Variants in RASA2 observed in about 807,000 individuals in gnomAD.
RASA2 encodes ras GTPase-activating protein 2.
A neutral mutation model predicts 118.2 loss-of-function variants in RASA2; 155 were observed. The observed-to-expected ratio is 1.31, with a 90% CI of 1.15 to 1.50. RASA2 has a LOEUF of 1.50. Ranked by LOEUF, RASA2 falls within the 40% of genes most tolerant of loss-of-function variation. The probability of loss-of-function intolerance (pLI) is 0.00; values close to 1 mark genes in which losing one functional copy is unlikely to be tolerated. For missense variants in RASA2, 1,016 were observed against 1,009.6 expected (o/e 1.01, Z -0.09); for synonymous variants, 353 against 349.1 (o/e 1.01, Z -0.12).
rs1285687990 is a variant in RASA2, at chr3:141,613,168, A to G, written c.*855A>G. 6.6e-6 allele frequency: 1 copy of G among 152,190 alleles called. No homozygotes were observed. The highest frequency in any genetic ancestry group is 1.5e-5 in the Non-Finnish European group (1 of 68,022). The allele number at this position is 152,190 out of a possible 1,614,324, so 9.4% of individuals were successfully genotyped here. On this transcript the variant is annotated 3_prime_UTR_variant, in exon 24 of 24. Transcript: ENST00000286364. The stretch of plus-strand genomic sequence containing the variant: ...ACTTCACCCACTATTTCATGTTGTA[A>G]TAAGGGCCACCATAAGGATGCCCTC...
At chr3:141,545,682 G>T (rs189020382) in intron 5 of RASA2, among the ~76,000 whole-genome samples, 1 of 151,764 alleles carries the variant, frequency 6.6e-6, no homozygotes, top group East Asian at 1.9e-4. Flanking sequence ...TCTTGACCTC[G>T]TGATGTGCCC....
intron 19 of RASA2, among the ~76,000 whole-genome samples, chr3:141,588,069 A>G (rs552553493): frequency 1.3e-5 from 2 of 152,324 alleles, no homozygotes; most frequent in South Asian, 2.1e-4. Flanking sequence ...GATTTCTCCA[A>G]AGTAAATCTA....
rs1207353500 is a variant in RASA2, at chr3:141,584,870, TTC to T, written c.1753-1144_1753-1143del. Among the ~76,000 whole-genome samples the T allele has an allele frequency of 1.6e-4, 24 of 152,138 alleles. No homozygotes were observed. The East Asian group carries it at 4.2e-3, about 27-fold the overall frequency. On this transcript the variant is annotated intron_variant, in intron 17 of 23. Coordinates refer to ENST00000286364, the MANE Select transcript of RASA2 (RefSeq NM_006506.5). The stretch of plus-strand genomic sequence containing the variant: ...TCAAATTTTGAAATACTTTTATTCA[TTC>T]TCTCTCTCTCCATATATATTTTTTT...
At chr3:141,538,539 G>T (rs933243771) in intron 4 of RASA2, among the ~76,000 whole-genome samples, 4 of 151,950 alleles carry the variant, frequency 2.6e-5, no homozygotes, top group Non-Finnish European at 5.9e-5. Context: ...CCTATTTTGT[G>T]ATTTATTTCT....
chr3:141,560,864 AGTTTCATCT>A (rs2082720698), intron 9 of RASA2, among the ~76,000 whole-genome samples: 1 of 152,114 alleles, frequency 6.6e-6, no homozygotes, highest in Admixed American at 6.5e-5. Flanking sequence ...TATGGATATC[AGTTTCATCT>A]GTTCCTAAAA....
Position 141,529,889 on chromosome 3 carries a change from G to A in RASA2, c.450+87G>A, listed in dbSNP as rs1306376628. On this transcript the variant is annotated intron_variant, in intron 4 of 23. Transcript: ENST00000286364. ...AATTAAACTGGTTCATGTAAATAGAGCATATTATACCTTATTTTAAATTCT... is the reference window on the plus strand; with the variant it reads ...AATTAAACTGGTTCATGTAAATAGAACATATTATACCTTATTTTAAATTCT... 6.0e-6 allele frequency: 6 copies of A among 1,006,030 alleles called. No individual in the cohort carries two copies. The African/African-American group carries it at 8.1e-5, about 14-fold the overall frequency. The allele number at this position is 1,006,030 out of a possible 1,614,324, so 62.3% of individuals were successfully genotyped here.
In RASA2 at chr3:141,571,380, C is replaced by T. The variant is rs200351819; in HGVS notation, c.1021-26C>T. The T allele has an allele frequency of 2.3e-4, 376 of 1,600,660 alleles. No homozygotes were observed. In the African/African-American group the frequency reaches 4.6e-3, roughly 19 times the overall value. ...TAATCATGTTTCCTTGATGTTTGTG[C>T]TTGTTTTCTACCTTTCTGTATTTAG... On this transcript the variant is annotated intron_variant, in intron 10 of 23. Coordinates refer to ENST00000286364, the MANE Select transcript of RASA2 (RefSeq NM_006506.5).
At chr3:141,503,141 TAATA>T (rs1397581515) in intron 1 of RASA2, among the ~76,000 whole-genome samples, 7 of 152,344 alleles carry the variant, frequency 4.6e-5, no homozygotes, top group African/African-American at 1.7e-4. Context: ...TCTAACTACT[TAATA>T]AATCTTTATC....
At chr3:141,497,707 A>G (rs2081724370) in intron 1 of RASA2, among the ~76,000 whole-genome samples, 1 of 151,804 alleles carries the variant, frequency 6.6e-6, no homozygotes, top group Admixed American at 6.6e-5. Flanking sequence ...ACAAACGAAA[A>G]AAAAAAAAAA....
At chr3:141,603,621 T>C (rs920411350) in intron 19 of RASA2, among the ~76,000 whole-genome samples, 2 of 152,110 alleles carry the variant, frequency 1.3e-5, no homozygotes, top group African/African-American at 2.4e-5. Flanking sequence ...ACCATAAAAT[T>C]CACCCTTTTA....
chr3:141,512,116 A>G, intron 1 of RASA2, 47 bp from the exon 2 acceptor site: 1 of 1,293,208 alleles, frequency 7.7e-7, no homozygotes, highest in African/African-American at 1.5e-5. Flanking sequence ...GCTTAGTATG[A>G]AGCAGTTGAT....
intron 19 of RASA2, among the ~76,000 whole-genome samples, chr3:141,594,910 C>T (rs888649952): frequency 4.6e-5 from 7 of 150,740 alleles, no homozygotes; most frequent in Admixed American, 2.6e-4. Context: ...AGCAACTGTT[C>T]GATGCAAAAT....
In RASA2 at chr3:141,571,555, G is replaced by T. The variant is rs919089239; in HGVS notation, c.1169+1G>T. On this transcript the variant is annotated splice_donor_variant, in intron 11 of 23. Coordinates refer to ENST00000286364, the MANE Select transcript of RASA2 (RefSeq NM_006506.5). LOFTEE classifies it high-confidence loss of function. ...CTGAATTAGACTTGAAGGATACACA[G>T]TAAGAGTTATATTTTATTAAATGTT... 1.3e-6 allele frequency: 2 copies of T among 1,597,184 alleles called. No homozygotes were observed. The highest frequency in any genetic ancestry group is 1.7e-6 in the Non-Finnish European group (2 of 1,172,006).
intron 11 of RASA2, among the ~76,000 whole-genome samples, chr3:141,572,204 G>C (rs2082935417): frequency 6.6e-6 from 1 of 151,844 alleles, no homozygotes; most frequent in Non-Finnish European, 1.5e-5. Context: ...CGATTCTCAT[G>C]CCTCAGCCTC....
At chr3:141,571,621 G>A in intron 11 of RASA2, 67 bp downstream of exon 11, 3 of 1,473,640 alleles carry the variant, frequency 2.0e-6, no homozygotes, top group Non-Finnish European at 2.8e-6. Context: ...TTGACAGATT[G>A]ATTTTGTAGT....
intron 1 of RASA2, among the ~76,000 whole-genome samples, chr3:141,510,476 C>T (rs1449403348): frequency 6.6e-6 from 1 of 152,088 alleles, no homozygotes; most frequent in African/African-American, 2.4e-5. Context: ...TGAAGATCAA[C>T]AAGTTCTTGG....
At chr3:141,577,952 A>G (rs1183245543) in intron 15 of RASA2, among the ~76,000 whole-genome samples, 1 of 152,166 alleles carries the variant, frequency 6.6e-6, no homozygotes, top group Non-Finnish European at 1.5e-5. Flanking sequence ...TCCTTCTTAT[A>G]TGGTGTAATT....
At chr3:141,584,021 AAAAG>A (rs1229637504) in intron 17 of RASA2, among the ~76,000 whole-genome samples, 2 of 152,134 alleles carry the variant, frequency 1.3e-5, no homozygotes, top group African/African-American at 2.4e-5. Context: ...AGATTAAAAA[AAAAG>A]AAGAAGAAAA....
chr3:141,538,137 G>C (rs1399347051), intron 4 of RASA2, among the ~76,000 whole-genome samples: 2 of 148,204 alleles, frequency 1.3e-5, no homozygotes, highest in African/African-American at 5.0e-5. Context: ...ACACAAACTT[G>C]TTTTGCTGCA....
Sources: allele counts gnomAD v4.1 joint callset (sites outside exome capture counted in the v4.1 genomes callset), GRCh38; gene constraint gnomAD v4.1.1; transcripts MANE v1.5; gene names NCBI Gene and HGNC (gene_info 2026-07-23, HGNC 2026-07-21).